Variants in MICU1 observed in about 807,000 individuals in gnomAD.
MICU1 encodes calcium uptake protein 1, mitochondrial.
MICU1 carries 45 observed loss-of-function variants against 56.8 expected under a neutral mutation model. The ratio of observed to expected loss-of-function variants is 0.79; its 90% CI spans 0.62 to 1.02. MICU1 has a LOEUF of 1.02. Among genes scored for constraint, MICU1 ranks in the 50% least tolerant of loss-of-function variants. The probability of loss-of-function intolerance (pLI) is 0.00; values close to 1 mark genes in which losing one functional copy is unlikely to be tolerated. For synonymous variants in MICU1, 186 were observed against 195.1 expected (o/e 0.95, Z 0.39); for missense variants, 504 against 587.1 (o/e 0.86, Z 1.46).
chr10:72,518,518 C>A (rs545200150), intron 5 of MICU1, among the ~76,000 whole-genome samples: 2 of 152,012 alleles, frequency 1.3e-5, no homozygotes, highest in Non-Finnish European at 2.9e-5. Context: ...CACTTCAATT[C>A]TATTGTAAGG....
intron 1 of MICU1, among the ~76,000 whole-genome samples, chr10:72,612,187 A>C (rs1206525002): frequency 6.6e-6 from 1 of 152,094 alleles, no homozygotes; most frequent in Non-Finnish European, 1.5e-5. Flanking sequence ...GAAATAAATA[A>C]AATCCCAGAC....
intron 10 of MICU1, among the ~76,000 whole-genome samples, chr10:72,376,680 A>C (rs1862533603): frequency 6.6e-6 from 1 of 152,126 alleles, no homozygotes; most frequent in South Asian, 2.1e-4. Context: ...TTATAGACAG[A>C]AAGTAGATTA....
intron 1 of MICU1, among the ~76,000 whole-genome samples, chr10:72,615,099 GTGTT>G (rs72461335): frequency 0.69 from 103,424 of 150,662 alleles, 36,906 homozygotes; most frequent in African/African-American, 0.83. Flanking sequence ...GTGTGGTTTT[GTGTT>G]TGTTTGTTTG....
At chr10:72,380,195 ATGGTTGGGATTCC>A in intron 10 of MICU1, among the ~76,000 whole-genome samples, 1 of 152,240 alleles carries the variant, frequency 6.6e-6, no homozygotes, top group Admixed American at 6.5e-5. Flanking sequence ...ATGCTGACTG[ATGGTTGGGATTCC>A]AGCTCCCAAT....
chr10:72,464,895 G>A (rs985989979), intron 8 of MICU1, among the ~76,000 whole-genome samples: 1 of 152,036 alleles, frequency 6.6e-6, no homozygotes, highest in Non-Finnish European at 1.5e-5. Flanking sequence ...ATCTCATCAG[G>A]GCAAGATATT....
chr10:72,533,846 T>A, intron 4 of MICU1, 57 bp from the exon 5 acceptor site: 1 of 1,167,880 alleles, frequency 8.6e-7, no homozygotes, highest in Non-Finnish European at 1.2e-6. Context: ...GTGAAATTTA[T>A]AAAATGACAG....
intron 1 of MICU1, among the ~76,000 whole-genome samples, chr10:72,597,276 A>G (rs1278034897): frequency 6.6e-6 from 1 of 152,230 alleles, no homozygotes; most frequent in Non-Finnish European, 1.5e-5. Flanking sequence ...CGAAATAGGT[A>G]AAAATTCCCA....
At chr10:72,568,957 T>C (rs369376779) in intron 1 of MICU1, among the ~76,000 whole-genome samples, 23 of 150,708 alleles carry the variant, frequency 1.5e-4, no homozygotes, top group South Asian at 1.5e-3. Context: ...TTTCACCATG[T>C]TGGCAAGGCT....
At chr10:72,413,988 G>C (rs548874565) in intron 9 of MICU1, among the ~76,000 whole-genome samples, 2 of 152,310 alleles carry the variant, frequency 1.3e-5, no homozygotes, top group African/African-American at 4.8e-5. Context: ...AACAGGTGTT[G>C]ATGAGGGTGT....
Position 72,487,766 on chromosome 10 carries a change from A to G in MICU1, c.653-10510T>C, listed in dbSNP as rs1032224778. Among the ~76,000 whole-genome samples, 6 of 152,306 alleles carry G rather than the reference A, an allele frequency of 3.9e-5. 1 individual carries two copies. Among genetic ancestry groups the G allele is most frequent in the Admixed American group, 3.9e-4 (6 of 15,300 alleles). On this transcript the variant is annotated intron_variant, in intron 6 of 11. Transcript: ENST00000361114. ...CAATGTCCTGCTTATTCCTCAACAA[A>G]CAAGGGCAACTTTGTGAGAGCTTCA...
chr10:72,455,083 G>A (rs1865416371), intron 8 of MICU1, among the ~76,000 whole-genome samples: 1 of 152,098 alleles, frequency 6.6e-6, no homozygotes, highest in Non-Finnish European at 1.5e-5. Flanking sequence ...AGGCGCAGTG[G>A]CTCATGCCTG....
intron 3 of MICU1, among the ~76,000 whole-genome samples, chr10:72,557,290 C>T (rs1273841490): frequency 6.6e-6 from 1 of 152,094 alleles, no homozygotes; most frequent in African/African-American, 2.4e-5. Context: ...TCAAGGCAGC[C>T]AACATATATG....
At chr10:72,449,125 T>C (rs12355678) in intron 8 of MICU1, among the ~76,000 whole-genome samples, 1 of 152,086 alleles carries the variant, frequency 6.6e-6, no homozygotes, top group Non-Finnish European at 1.5e-5. Context: ...AATCTGGGCA[T>C]GGTGACTCAT....
chr10:72,417,730 C>T (rs749546852), intron 9 of MICU1, among the ~76,000 whole-genome samples: 3 of 152,126 alleles, frequency 2.0e-5, no homozygotes, highest in African/African-American at 7.2e-5. Context: ...TTGTCAAGCA[C>T]GGCAGGTTCC....
intron 5 of MICU1, among the ~76,000 whole-genome samples, chr10:72,511,899 C>T (rs979269747): frequency 6.6e-6 from 1 of 152,170 alleles, no homozygotes; most frequent in East Asian, 1.9e-4. Context: ...TTGGGTGGTG[C>T]CCATCAACAT....
At chr10:72,562,018 T>C (rs571185321) in intron 3 of MICU1, among the ~76,000 whole-genome samples, 24 of 152,082 alleles carry the variant, frequency 1.6e-4, no homozygotes, top group Non-Finnish European at 3.1e-4. Context: ...AAGAAATCCA[T>C]CCTTTTCATT....
In MICU1 at chr10:72,563,073, C is replaced by CA; in HGVS notation, c.162-11dup. On this transcript the variant is annotated splice_polypyrimidine_tract_variant and intron_variant, in intron 2 of 11. Coordinates refer to ENST00000361114, the MANE Select transcript of MICU1 (RefSeq NM_001195518.2). Reference sequence around the variant, plus strand: ...AGATTCTGCATGGGCCCTGGATATGCAAAAAAGAAATCTAGATTAATCTTG... The same window carrying CA: ...AGATTCTGCATGGGCCCTGGATATGCAAAAAAAGAAATCTAGATTAATCTTG... 1 of 1,506,898 alleles carries CA rather than the reference C, an allele frequency of 6.6e-7. No homozygotes were observed. Among genetic ancestry groups the CA allele is most frequent in the Non-Finnish European group, 8.9e-7 (1 of 1,129,502 alleles). The allele number at this position is 1,506,898 out of a possible 1,614,324, so 93.3% of individuals were successfully genotyped here.
At chr10:72,507,131 G>T (rs1867278548) in intron 6 of MICU1, among the ~76,000 whole-genome samples, 2 of 151,432 alleles carry the variant, frequency 1.3e-5, no homozygotes, top group South Asian at 4.2e-4. Flanking sequence ...GTGAAAAAGA[G>T]AGGGTTATTT....
chr10:72,442,741 A>G (rs1433853105), intron 8 of MICU1, among the ~76,000 whole-genome samples: 1 of 152,092 alleles, frequency 6.6e-6, no homozygotes, highest in Non-Finnish European at 1.5e-5. Flanking sequence ...CTAACAGAAG[A>G]GTATGCTTTG....
Sources: gnomAD v4.1 joint callset for allele counts (sites outside exome capture counted in the v4.1 genomes callset) on GRCh38, gnomAD v4.1.1 for gene constraint, MANE v1.5 for transcripts, NCBI Gene and HGNC (gene_info 2026-07-23, HGNC 2026-07-21) for gene names.